Variants in DNAAF4 observed in about 807,000 individuals in gnomAD.
The protein encoded by DNAAF4 is dynein axonemal assembly factor 4.
DNAAF4 carries 43 observed loss-of-function variants against 51.8 expected under a neutral mutation model. The ratio of observed to expected loss-of-function variants is 0.83; its 90% CI spans 0.65 to 1.07. The LOEUF (loss-of-function observed/expected upper bound fraction) is 1.07. Among genes scored for constraint, DNAAF4 ranks in the 50% least tolerant of loss-of-function variants. The pLI is 0.00. For synonymous variants in DNAAF4, 194 were observed against 165.6 expected (o/e 1.17, Z -1.32); for missense variants, 581 against 493.0 (o/e 1.18, Z -1.69).
chr15:55,446,701 G>A (rs1458214619), intron 6 of DNAAF4, among the ~76,000 whole-genome samples: 21 of 149,082 alleles, frequency 1.4e-4, no homozygotes, highest in Admixed American at 2.7e-4. Flanking sequence ...GCCGGGCAGA[G>A]GCGCTCCTCA....
intron 1 of DNAAF4, among the ~76,000 whole-genome samples, chr15:55,502,662 G>A (rs979791642): frequency 6.6e-6 from 1 of 152,144 alleles, no homozygotes; most frequent in African/African-American, 2.4e-5. Context: ...AGTAGCTGTT[G>A]CTCTTGAATT....
intron 6 of DNAAF4, among the ~76,000 whole-genome samples, chr15:55,443,733 G>A (rs903683318): frequency 1.6e-4 from 25 of 152,096 alleles, no homozygotes; most frequent in African/African-American, 3.6e-4. Context: ...TTTAATGATC[G>A]CCATTCTAGC....
chr15:55,476,012 C>T (rs1005095394), intron 4 of DNAAF4, among the ~76,000 whole-genome samples: 1 of 152,178 alleles, frequency 6.6e-6, no homozygotes, highest in Non-Finnish European at 1.5e-5. Flanking sequence ...AATGAAATGA[C>T]ATGTTCAAAG....
intron 4 of DNAAF4, among the ~76,000 whole-genome samples, chr15:55,473,311 G>GTATATATGTGTGTA (rs1294013203): frequency 2.9e-5 from 1 of 35,028 alleles, no homozygotes; most frequent in African/African-American, 1.0e-4. Flanking sequence ...ATATATGTGT[G>GTATATATGTGTGTA]TATATATGTG....
chr15:55,442,511 C>G, intron 6 of DNAAF4: 2 of 748,620 alleles, frequency 2.7e-6, no homozygotes, highest in Non-Finnish European at 2.4e-6. Context: ...AAGGCTGTTT[C>G]GGAAGGTCAC....
chr15:55,473,325 A>ATATATATGTGTG (rs2058291842), intron 4 of DNAAF4, among the ~76,000 whole-genome samples: 1 of 139,892 alleles, frequency 7.1e-6, no homozygotes, highest in South Asian at 2.2e-4. Context: ...ATATGTGTGT[A>ATATATATGTGTG]TATATATGTG....
rs1305469173 is a variant in DNAAF4 at position 55,418,935 on chromosome 15, TTTTGAG to T, written c.1048-808_1048-803del. ...AACAATTTCACACTTTTTTTTTTTTTTTTGAGTGAGTTGGAGTCTCGCTCTGTCGCC... is the reference window on the plus strand; with the variant it reads ...AACAATTTCACACTTTTTTTTTTTTTTGAGTTGGAGTCTCGCTCTGTCGCC... On this transcript the variant is annotated intron_variant, in intron 7 of 7. Transcript: ENST00000448430. 1.2e-3 allele frequency among the ~76,000 whole-genome samples: 6 copies of T among 4,900 alleles called. No individual in the cohort carries two copies. The Non-Finnish European group carries it at 0.036, about 30-fold the overall frequency. 3.2% of individuals were successfully genotyped at this position (4,900 alleles called of 152,430 possible).
At chr15:55,446,333 T>C (rs1241877390) in intron 6 of DNAAF4, among the ~76,000 whole-genome samples, 53 of 66,598 alleles carry the variant, frequency 8.0e-4, no homozygotes, top group South Asian at 1.8e-3. Context: ...CACTCCTCAC[T>C]TCCCAGACGG....
chr15:55,491,104 C>T lies in DNAAF4; in HGVS notation c.405+19G>A. On this transcript the variant is annotated intron_variant, in intron 4 of 9. Coordinates refer to ENST00000321149, the MANE Select transcript of DNAAF4 (RefSeq NM_130810.4). ...ACTATTATCTCTTTAGAGGACTTGC[C>T]TGTCATTCTGCAACTTACCTTCATC... 6.2e-7 allele frequency: 1 copy of T among 1,613,820 alleles called. No individual in the cohort carries two copies. Among genetic ancestry groups the T allele is most frequent in the Non-Finnish European group, 8.5e-7 (1 of 1,179,934 alleles).
chr15:55,474,815 C>A (rs1483684778), intron 4 of DNAAF4, among the ~76,000 whole-genome samples: 1 of 152,028 alleles, frequency 6.6e-6, no homozygotes. Context: ...CTCGTCTCTA[C>A]TAAAAATACA....
intron 5 of DNAAF4, among the ~76,000 whole-genome samples, chr15:55,459,949 G>A (rs532433320): frequency 5.3e-5 from 8 of 151,812 alleles, no homozygotes; most frequent in South Asian, 4.2e-4. Flanking sequence ...TAATCTGCCC[G>A]CCTCGGCCTC....
Position 55,435,045 on chromosome 15 carries a change from T to C in DNAAF4, c.907A>G (p.Thr303Ala). Residue 303 changes from threonine (T) to alanine (A), a missense_variant, in exon 8 of 10, where the codon ACG (threonine) becomes GCG (alanine). By Grantham distance (58) the Thr-to-Ala change is moderately conservative. Coordinates refer to ENST00000321149, the MANE Select transcript of DNAAF4 (RefSeq NM_130810.4). ...TTGATAGCTGCCAAATAGTTTTCCG[T>C]TGCAAACAATTTGCTAATGAGACAA... ...LKDKGNKLFA[T>A]ENYLAAINAY... The C allele has an allele frequency of 6.3e-7, 1 of 1,588,674 alleles. No individual in the cohort carries two copies. The highest frequency in any genetic ancestry group is 8.5e-7 in the Non-Finnish European group (1 of 1,172,690).
At chr15:55,470,847 A>ATTTTTTTTTT in intron 4 of DNAAF4, among the ~76,000 whole-genome samples, 1 of 99,026 alleles carries the variant, frequency 1.0e-5, no homozygotes, top group Non-Finnish European at 1.8e-5. Flanking sequence ...TGCCTGGCGG[A>ATTTTTTTTTT]TTTTTTTTTT....
At chr15:55,476,478 A>G (rs2058336579) in intron 4 of DNAAF4, among the ~76,000 whole-genome samples, 1 of 152,220 alleles carries the variant, frequency 6.6e-6, no homozygotes, top group African/African-American at 2.4e-5. Flanking sequence ...AAGGAAAATG[A>G]TACCAGATAT....
intron 5 of DNAAF4, among the ~76,000 whole-genome samples, chr15:55,454,081 G>A (rs1046453436): frequency 1.4e-4 from 22 of 151,776 alleles, no homozygotes; most frequent in African/African-American, 5.3e-4. Flanking sequence ...CAGGTAGATC[G>A]CTTGAGGTCA....
rs2058200779 is a variant in DNAAF4 at position 55,468,415 on chromosome 15, G to C, written c.406-1254C>G. 2.0e-5 allele frequency among the ~76,000 whole-genome samples: 3 copies of C among 152,168 alleles called. No homozygotes were observed. In the South Asian group the frequency reaches 6.2e-4, roughly 32 times the overall value. On this transcript the variant is annotated intron_variant, in intron 4 of 9. Transcript: ENST00000321149. ...CAATTTTACCTCAGGCTTAAATTAA[G>C]CACAAAATATGCTAATTATTACTAT...
chr15:55,479,758 G>A (rs2141551580), intron 4 of DNAAF4, among the ~76,000 whole-genome samples: 1 of 152,210 alleles, frequency 6.6e-6, no homozygotes, highest in African/African-American at 2.4e-5. Flanking sequence ...CTGGGCTCTG[G>A]GAATGTCTGT....
chr15:55,466,914 T>G lies in DNAAF4; in HGVS notation c.637+16A>C, dbSNP rs774192473. On this transcript the variant is annotated intron_variant, in intron 5 of 9. Transcript: ENST00000321149. ...CCAACAGGACTCACTACTCAAGAAA[T>G]TCTTAATCATTTTACCTTTTGGAGC... The G allele has an allele frequency of 5.1e-6, 8 of 1,581,166 alleles. No individual in the cohort carries two copies. The Admixed American group carries it at 6.2e-5, about 12-fold the overall frequency.
chr15:55,420,352 A>G (rs2141379526), intron 7 of DNAAF4, among the ~76,000 whole-genome samples: 1 of 152,178 alleles, frequency 6.6e-6, no homozygotes, highest in Admixed American at 6.5e-5. Flanking sequence ...CTACACACAG[A>G]TTTATTTCAG....
Sources: allele counts gnomAD v4.1 joint callset (sites outside exome capture counted in the v4.1 genomes callset), GRCh38; gene constraint gnomAD v4.1.1; transcripts MANE v1.5; gene names NCBI Gene and HGNC (gene_info 2026-07-23, HGNC 2026-07-21).